The following COL11A1 variants were observed in gnomAD, a reference collection of about 807,000 sequenced individuals.
The protein encoded by COL11A1 is collagen alpha-1(XI) chain.
In COL11A1, 74 loss-of-function variants were observed where a neutral mutation model predicts 265.2. The observed-to-expected ratio is 0.28, with a 90% CI of 0.23 to 0.34. COL11A1 has a LOEUF of 0.34. Among genes scored for constraint, COL11A1 ranks in the 10% least tolerant of loss-of-function variants. COL11A1 has a pLI of 1.00. For synonymous variants in COL11A1, 816 were observed against 727.6 expected (o/e 1.12, Z -1.96); for missense variants, 2,165 against 2,263.6 (o/e 0.96, Z 0.88).
At chr1:103,003,559 T>C (rs1453389794) in intron 20 of COL11A1, among the ~76,000 whole-genome samples, 1 of 152,144 alleles carries the variant, frequency 6.6e-6, no homozygotes, top group Non-Finnish European at 1.5e-5. Flanking sequence ...ATATTTTCTA[T>C]AAGACACTTT....
At chr1:102,946,404 A>G (rs915128765) in intron 42 of COL11A1, among the ~76,000 whole-genome samples, 1 of 152,108 alleles carries the variant, frequency 6.6e-6, no homozygotes, top group Non-Finnish European at 1.5e-5. Context: ...TGTCTCACTC[A>G]CTGGCGATCG....
chr1:103,061,200 C>T (rs1670648278), intron 4 of COL11A1, among the ~76,000 whole-genome samples: 1 of 151,916 alleles, frequency 6.6e-6, no homozygotes, highest in African/African-American at 2.4e-5. Context: ...AAGGTCAGTG[C>T]ACCAAAAAGA....
At chr1:102,942,250 A>G (rs1279914748) in intron 42 of COL11A1, among the ~76,000 whole-genome samples, 1 of 152,152 alleles carries the variant, frequency 6.6e-6, no homozygotes, top group Non-Finnish European at 1.5e-5. Context: ...CTTAAACTCT[A>G]AAAGTCAATC....
At chr1:102,906,457 G>C (rs1653993712) in intron 54 of COL11A1, among the ~76,000 whole-genome samples, 1 of 152,048 alleles carries the variant, frequency 6.6e-6, no homozygotes, top group Non-Finnish European at 1.5e-5. Flanking sequence ...GTTCAGATTG[G>C]AGTACAGTAG....
At chr1:103,005,771 C>T in intron 18 of COL11A1, 67 bp downstream of exon 18, 3 of 1,583,634 alleles carry the variant, frequency 1.9e-6, no homozygotes, top group South Asian at 1.1e-5. Context: ...TCTGATTTTG[C>T]AAATTGTTAT....
chr1:102,975,055 T>C (rs1275211918), intron 35 of COL11A1, among the ~76,000 whole-genome samples, 172 bp from the exon 36 acceptor site: 2 of 152,142 alleles, frequency 1.3e-5, no homozygotes, highest in African/African-American at 2.4e-5. Flanking sequence ...AAAAGTAAAA[T>C]GGATACATTT....
intron 52 of COL11A1, 88 bp downstream of exon 52, chr1:102,914,264 G>T: frequency 1.9e-6 from 2 of 1,026,328 alleles, no homozygotes; most frequent in Non-Finnish European, 3.0e-6. Context: ...GTTCACTTAG[G>T]TTATTAGATT....
In COL11A1 at chr1:103,108,448, G is replaced by A. The variant is rs898053971; in HGVS notation, c.-270C>T. The stretch of plus-strand genomic sequence containing the variant: ...CTTCCTCTGCCGGGCCCTGCCTTCA[G>A]AATGAAGGCAGATGAGGGGCTTCCA... On this transcript the variant is annotated 5_prime_UTR_variant, in exon 1 of 67. Coordinates refer to ENST00000370096, the MANE Select transcript of COL11A1 (RefSeq NM_001854.4). 50 of 600,472 alleles carry A rather than the reference G, an allele frequency of 8.3e-5. No individual in the cohort carries two copies. Among genetic ancestry groups the A allele is most frequent in the Non-Finnish European group, 1.3e-4 (44 of 338,280 alleles). The allele number at this position is 600,472 out of a possible 1,614,324, so 37.2% of individuals were successfully genotyped here.
At chr1:102,959,929 C>T (rs1056173729) in intron 41 of COL11A1, among the ~76,000 whole-genome samples, 1 of 152,114 alleles carries the variant, frequency 6.6e-6, no homozygotes, top group Non-Finnish European at 1.5e-5. Flanking sequence ...TTTCTTAAAA[C>T]ATCATTTATT....
chr1:103,003,605 A>G (rs2929163), intron 20 of COL11A1, among the ~76,000 whole-genome samples: 10,634 of 152,218 alleles, frequency 0.07, 451 homozygotes, highest in Middle Eastern at 0.18. Flanking sequence ...AGCATCGAAC[A>G]TTATTATTCA....
Position 103,050,113 on chromosome 1 carries a change from G to A in COL11A1, c.652-18869C>T, listed in dbSNP as rs569656403. Among the ~76,000 whole-genome samples, 579 of 152,176 alleles carry A rather than the reference G, an allele frequency of 3.8e-3. 4 individuals are homozygous for A. Among genetic ancestry groups the A allele is most frequent in the African/African-American group, 0.013 (548 of 41,514 alleles). On this transcript the variant is annotated intron_variant, in intron 4 of 66. Transcript: ENST00000370096. Reference sequence around the variant, plus strand: ...TCTTCTCAAGGACTATCTTTGTGAGGTTCTCTGTATTTCCTAAATTTGAAT... The same window carrying A: ...TCTTCTCAAGGACTATCTTTGTGAGATTCTCTGTATTTCCTAAATTTGAAT...
intron 1 of COL11A1, 96 bp downstream of exon 1, chr1:103,107,977 T>A: frequency 3.5e-6 from 3 of 861,138 alleles, no homozygotes; most frequent in Non-Finnish European, 5.7e-6. Context: ...TTTTTTTTTC[T>A]TGAAGAGCGG....
chr1:103,033,925 C>A (rs1368210128), intron 4 of COL11A1, among the ~76,000 whole-genome samples: 3 of 152,204 alleles, frequency 2.0e-5, no homozygotes, highest in African/African-American at 7.2e-5. Flanking sequence ...CATGCCACTG[C>A]ACCTGGCTGT....
chr1:102,881,068 G>T (rs2101014455), intron 65 of COL11A1, among the ~76,000 whole-genome samples: 1 of 151,976 alleles, frequency 6.6e-6, no homozygotes, highest in African/African-American at 2.4e-5. Flanking sequence ...GCTTTTCAAA[G>T]AAAATTAAAC....
At chr1:102,940,247 A>C in intron 43 of COL11A1, 80 bp downstream of exon 43, 1 of 1,167,554 alleles carries the variant, frequency 8.6e-7, no homozygotes, top group Non-Finnish European at 1.3e-6. Flanking sequence ...GCCTAATCAT[A>C]AAGATTAGAA....
At chr1:103,100,989 C>G (rs145485447) in intron 1 of COL11A1, among the ~76,000 whole-genome samples, 3 of 151,908 alleles carry the variant, frequency 2.0e-5, no homozygotes, top group Non-Finnish European at 4.4e-5. Flanking sequence ...GGTATTAGGG[C>G]TCACCTGGAG....
intron 4 of COL11A1, among the ~76,000 whole-genome samples, chr1:103,059,939 A>T (rs958831696): frequency 1.3e-5 from 2 of 152,256 alleles, no homozygotes; most frequent in African/African-American, 4.8e-5. Context: ...AGAGAAAAGA[A>T]TAGAACCAAC....
At chr1:103,008,652 AC>A in intron 14 of COL11A1, 136 bp from the exon 15 acceptor site, 2 of 802,020 alleles carry the variant, frequency 2.5e-6, no homozygotes, top group Non-Finnish European at 4.2e-6. Flanking sequence ...ATTAATTAAC[AC>A]AGTAAAATTT....
chr1:102,880,858 A>G (rs934905536), intron 65 of COL11A1, among the ~76,000 whole-genome samples: 1 of 152,068 alleles, frequency 6.6e-6, no homozygotes, highest in African/African-American at 2.4e-5. Flanking sequence ...GGAAAATTCA[A>G]TCCACACACA....
Sources: gnomAD v4.1 joint callset for allele counts (sites outside exome capture counted in the v4.1 genomes callset) on GRCh38, gnomAD v4.1.1 for gene constraint, MANE v1.5 for transcripts, NCBI Gene and HGNC (gene_info 2026-07-23, HGNC 2026-07-21) for gene names.